The following CNTNAP4 variants were observed in gnomAD, a reference collection of about 807,000 sequenced individuals.
The protein encoded by CNTNAP4 is contactin-associated protein-like 4.
Under a neutral mutation model 148.4 loss-of-function variants are expected in CNTNAP4, and 98 were observed. The observed-to-expected ratio is 0.66, with a 90% CI of 0.56 to 0.78. The LOEUF (loss-of-function observed/expected upper bound fraction) is 0.78, where lower values mean the gene tolerates loss of function less well. Ranked by LOEUF, CNTNAP4 falls within the 30% of genes least tolerant of loss-of-function variation. The pLI is 0.00. For missense variants in CNTNAP4, 1,935 were observed against 1,565.6 expected, an observed-to-expected ratio of 1.24 and a Z score of -3.98; for synonymous variants, 730 against 565.1, an observed-to-expected ratio of 1.29 and a Z score of -4.14.
chr16:76,365,232 A>G (rs1333278644), intron 3 of CNTNAP4, among the ~76,000 whole-genome samples: 2 of 152,106 alleles, frequency 1.3e-5, no homozygotes, highest in African/African-American at 2.4e-5. Flanking sequence ...CCCTTGGTCT[A>G]TATATCTGTT....
intron 3 of CNTNAP4, among the ~76,000 whole-genome samples, chr16:76,416,733 T>C (rs1199008561): frequency 6.6e-6 from 1 of 151,386 alleles, no homozygotes; most frequent in East Asian, 1.9e-4. Flanking sequence ...CTCAAAATGT[T>C]AATTAAATCT....
rs372396609 is a variant in CNTNAP4 at position 76,294,980 on chromosome 16, TA to T, written c.85+17234del. ...TGTATTGTATTGTTTAAGGTGCTTA[TA>T]GGGGGGCCGGTGTTCTTACAGGCAA... is the stretch of plus-strand genomic sequence containing the variant. On this transcript the variant is annotated intron_variant, in intron 1 of 23. Transcript: ENST00000611870. Among the ~76,000 whole-genome samples the T allele has an allele frequency of 2.8e-3, 424 of 152,300 alleles. 8 individuals carry two copies. In the South Asian group the frequency reaches 0.047, roughly 17 times the overall value.
At chr16:76,351,524 C>T (rs147812521) in intron 2 of CNTNAP4, among the ~76,000 whole-genome samples, 30 of 152,300 alleles carry the variant, frequency 2.0e-4, no homozygotes, top group South Asian at 6.2e-4. Context: ...TGCAGAGCTG[C>T]GCAGCTTAAA....
At chr16:76,384,638 C>T (rs558526289) in intron 3 of CNTNAP4, among the ~76,000 whole-genome samples, 12 of 152,100 alleles carry the variant, frequency 7.9e-5, no homozygotes, top group Admixed American at 2.0e-4. Context: ...GGAGATTCCG[C>T]GCTCCTCTCT....
intron 2 of CNTNAP4, 62 bp downstream of exon 2, chr16:76,316,585 T>C: frequency 9.5e-7 from 1 of 1,054,112 alleles, no homozygotes; most frequent in Non-Finnish European, 1.5e-6. Context: ...TCATTATCTT[T>C]GCATACAGTC....
At chr16:76,351,263 G>A (rs548518404) in intron 2 of CNTNAP4, among the ~76,000 whole-genome samples, 47 of 151,998 alleles carry the variant, frequency 3.1e-4, no homozygotes, top group African/African-American at 1.1e-3. Flanking sequence ...GTGTGTTTCC[G>A]AGGGCTATGC....
intron 3 of CNTNAP4, among the ~76,000 whole-genome samples, chr16:76,382,946 T>C (rs1469831725): frequency 1.3e-5 from 2 of 152,146 alleles, no homozygotes; most frequent in African/African-American, 2.4e-5. Flanking sequence ...AATGAAGTAA[T>C]TGAAACATCA....
intron 3 of CNTNAP4, among the ~76,000 whole-genome samples, chr16:76,382,437 T>C (rs75668863): frequency 6.6e-6 from 1 of 152,200 alleles, no homozygotes; most frequent in Non-Finnish European, 1.5e-5. Context: ...ATGACAGCCA[T>C]TTTTTTACTT....
chr16:76,516,431 G>A (rs910417287), intron 15 of CNTNAP4, among the ~76,000 whole-genome samples: 1 of 152,094 alleles, frequency 6.6e-6, no homozygotes, highest in African/African-American at 2.4e-5. Context: ...TAATTCTTTG[G>A]GTGTATGCCC....
chr16:76,363,857 T>A lies in CNTNAP4; in HGVS notation c.390+8346T>A, dbSNP rs145570951. Among the ~76,000 whole-genome samples the A allele has an allele frequency of 8.0e-3, 1,220 of 152,280 alleles. 10 individuals are homozygous for A. The highest frequency in any genetic ancestry group is 0.012 in the Non-Finnish European group (799 of 68,018). ...GTAGTGTCGGTGGCTCTGTTTCATC[T>A]CTTTGCATCTGTGCACATTCTATAG... On this transcript the variant is annotated intron_variant, in intron 3 of 23. Coordinates refer to ENST00000611870, the MANE Select transcript of CNTNAP4 (RefSeq NM_033401.5).
At chr16:76,319,681 A>G (rs1962202302) in intron 2 of CNTNAP4, among the ~76,000 whole-genome samples, 1 of 152,126 alleles carries the variant, frequency 6.6e-6, no homozygotes, top group African/African-American at 2.4e-5. Context: ...AGAGACAGGA[A>G]AGACAGAGTA....
intron 4 of CNTNAP4, among the ~76,000 whole-genome samples, chr16:76,436,327 G>C (rs1453486672): frequency 6.6e-5 from 10 of 152,036 alleles, no homozygotes; most frequent in Non-Finnish European, 1.3e-4. Flanking sequence ...GCTTCATCAG[G>C]GTCCTCCCGC....
Position 76,459,171 on chromosome 16 carries a change from A to C in CNTNAP4, c.1334-2785A>C, listed in dbSNP as rs2080845446. On this transcript the variant is annotated intron_variant, in intron 8 of 23. Coordinates refer to ENST00000611870, the MANE Select transcript of CNTNAP4 (RefSeq NM_033401.5). ...AGAAATGCCAGGGGCAGGTGGGTAG[A>C]ATATACACGTGACACAGAGAGTGTA... Among the ~76,000 whole-genome samples the C allele has an allele frequency of 1.3e-5, 2 of 152,216 alleles. 1 individual carries two copies. The highest frequency in any genetic ancestry group is 4.1e-4 in the South Asian group (2 of 4,836).
intron 1 of CNTNAP4, among the ~76,000 whole-genome samples, chr16:76,312,514 A>T (rs939838649): frequency 1.3e-5 from 2 of 152,150 alleles, no homozygotes; most frequent in Admixed American, 6.5e-5. Flanking sequence ...CTCCACACTG[A>T]TTATTACTGT....
intron 12 of CNTNAP4, among the ~76,000 whole-genome samples, chr16:76,484,922 T>C (rs1356079715): frequency 1.3e-5 from 2 of 152,224 alleles, no homozygotes; most frequent in Non-Finnish European, 2.9e-5. Flanking sequence ...GTCAAGTGAT[T>C]CCACATGTAT....
chr16:76,334,738 A>G (rs1963870870), intron 2 of CNTNAP4, among the ~76,000 whole-genome samples: 2 of 152,054 alleles, frequency 1.3e-5, no homozygotes, highest in East Asian at 3.9e-4. Flanking sequence ...GTCAAAACCC[A>G]TGTATTTTTT....
At chr16:76,381,214 G>C (rs184102330) in intron 3 of CNTNAP4, among the ~76,000 whole-genome samples, 39 of 152,292 alleles carry the variant, frequency 2.6e-4, no homozygotes, top group Admixed American at 1.1e-3. Context: ...GTGTGTGTGA[G>C]TTGGCATTCT....
chr16:76,535,855 C>A, intron 18 of CNTNAP4, 71 bp downstream of exon 18: 2 of 1,499,166 alleles, frequency 1.3e-6, no homozygotes, highest in East Asian at 4.9e-5. Context: ...CAGTTCTTTT[C>A]TATGCAGCTA....
chr16:76,286,006 A>G lies in CNTNAP4; in HGVS notation c.85+8259A>G, dbSNP rs548328453. Among the ~76,000 whole-genome samples the G allele has an allele frequency of 3.9e-5, 6 of 152,206 alleles. 1 individual carries two copies. In the South Asian group the frequency reaches 1.0e-3, roughly 26 times the overall value. On this transcript the variant is annotated intron_variant, in intron 1 of 23. Transcript: ENST00000611870. ...ATTTCTAGGCTAATAGCTTTGCTCT[A>G]AAAGAGTGCATGTAGATTTATATCT...
Sources: allele counts gnomAD v4.1 joint callset (sites outside exome capture counted in the v4.1 genomes callset), GRCh38; gene constraint gnomAD v4.1.1; transcripts MANE v1.5; gene names NCBI Gene and HGNC (gene_info 2026-07-23, HGNC 2026-07-21).